ABL2: variants seen among roughly 807,000 people sequenced by gnomAD.
The protein encoded by ABL2 is tyrosine-protein kinase ABL2.
Under a neutral mutation model 107.7 loss-of-function variants are expected in ABL2, and 49 were observed. That is an observed-to-expected ratio of 0.45 (90% CI 0.36 to 0.58). ABL2 has a LOEUF of 0.58. Among genes scored for constraint, ABL2 ranks in the 20% least tolerant of loss-of-function variants. The pLI is 0.00. For synonymous variants in ABL2, 549 were observed against 548.6 expected, an observed-to-expected ratio of 1.00 and a Z score of -0.01; for missense variants, 1,245 against 1,457.0, an observed-to-expected ratio of 0.85 and a Z score of 2.37.
At chr1:179,161,716 A>C (rs1467922145) in intron 1 of ABL2, among the ~76,000 whole-genome samples, 1 of 152,192 alleles carries the variant, frequency 6.6e-6, no homozygotes, top group Non-Finnish European at 1.5e-5. Context: ...CTCTCAATAA[A>C]GAAATAACGA....
intron 1 of ABL2, among the ~76,000 whole-genome samples, chr1:179,134,072 T>C (rs1436260878): frequency 6.6e-6 from 1 of 152,246 alleles, no homozygotes; most frequent in Non-Finnish European, 1.5e-5. Flanking sequence ...ATTCTACGTA[T>C]GTTTGTTCCC....
rs1053812052 is a variant in ABL2, at chr1:179,118,677, C to T, written c.1133G>A (p.Arg378Gln). The change falls in exon 7 of 12, where the codon CGA becomes CAA. Residue 378 changes from arginine to glutamine, a missense_variant. By Grantham distance (43) the Arg-to-Gln change is conservative (BLOSUM62 1). This residue lies in a region of ABL2 where 320 missense variants were observed against 547.0 expected (regional missense o/e 0.59). Coordinates refer to ENST00000502732, the MANE Select transcript of ABL2 (RefSeq NM_007314.4). ...NLLDYLRECN[R>Q]EEVTAVVLLY... is the part of the protein sequence containing the mutation. Reference sequence around the variant, plus strand: ...CAGCACAACTGCAGTCACCTCTTCTCGGTTGCATTCTCGGAGGTAATCCAG... The same window carrying T: ...CAGCACAACTGCAGTCACCTCTTCTTGGTTGCATTCTCGGAGGTAATCCAG... 6 of 1,613,806 alleles carry T rather than the reference C, an allele frequency of 3.7e-6. No individual in the cohort carries two copies. The highest frequency in any genetic ancestry group is 2.2e-5 in the East Asian group (1 of 44,862).
chr1:179,168,205 C>T (rs1659506032), intron 1 of ABL2, among the ~76,000 whole-genome samples: 1 of 152,118 alleles, frequency 6.6e-6, no homozygotes, highest in Non-Finnish European at 1.5e-5. Context: ...CCACGGTTTC[C>T]ACAGGGACCC....
intron 1 of ABL2, among the ~76,000 whole-genome samples, chr1:179,214,692 A>G (rs1284563261): frequency 6.6e-6 from 1 of 151,932 alleles, no homozygotes; most frequent in African/African-American, 2.4e-5. Context: ...AAACATAAAG[A>G]AAAAACACAG....
chr1:179,109,275 T>A lies in ABL2; in HGVS notation c.1992A>T (p.Thr664=), dbSNP rs760392978. 2 of 1,613,640 alleles carry A rather than the reference T, an allele frequency of 1.2e-6. No individual in the cohort carries two copies. Among genetic ancestry groups the A allele is most frequent in the Admixed American group, 1.7e-5 (1 of 59,956 alleles). ...SSFMKKRNAP[T]PPKRSSSFRE... ...GGAAGGAGCTGCTGCGTTTGGGGGG[T>A]GTAGGAGCATTTCTCTTCTTCATGA... The change falls in exon 12 of 12, where the codon ACA becomes ACT. Residue 664 remains threonine (T), a synonymous_variant. Coordinates refer to ENST00000502732, the MANE Select transcript of ABL2 (RefSeq NM_007314.4).
At chr1:179,132,067 GC>G (rs1016585869) in intron 2 of ABL2, among the ~76,000 whole-genome samples, 2 of 151,750 alleles carry the variant, frequency 1.3e-5, no homozygotes, top group African/African-American at 4.8e-5. Flanking sequence ...TCTTTTTTTG[GC>G]CAACATGGCA....
intron 2 of ABL2, among the ~76,000 whole-genome samples, chr1:179,132,495 T>A (rs762424697): frequency 4.6e-5 from 7 of 152,048 alleles, no homozygotes; most frequent in Non-Finnish European, 1.0e-4. Context: ...AACACTTTTA[T>A]GTCTCTCTTC....
rs557843100 is a variant in ABL2, at chr1:179,170,043, C to G, written c.158-36669G>C. Among the ~76,000 whole-genome samples the G allele has an allele frequency of 5.8e-4, 88 of 152,132 alleles. 2 individuals carry two copies. In the South Asian group the frequency reaches 0.018, roughly 31 times the overall value. On this transcript the variant is annotated intron_variant, in intron 1 of 11. Coordinates refer to ENST00000502732, the MANE Select transcript of ABL2 (RefSeq NM_007314.4). The stretch of plus-strand genomic sequence containing the variant: ...CTGTCTCAAAAAACAACAACAACAA[C>G]GACAACAACAAAACATGTTTATTTG...
In ABL2 at chr1:179,229,399, C is replaced by T. The variant is rs1663424222; in HGVS notation, c.-2G>A. On this transcript the variant is annotated 5_prime_UTR_variant, in exon 1 of 12. Coordinates refer to ENST00000502732, the MANE Select transcript of ABL2 (RefSeq NM_007314.4). ...GACGCGGCCCACCTGCTGCCCCATC[C>T]CTGCTCTCGCGTACTCCCGCGCCCC... 2 of 1,523,914 alleles carry T rather than the reference C, an allele frequency of 1.3e-6. No individual in the cohort carries two copies. The highest frequency in any genetic ancestry group is 2.9e-5 in the African/African-American group (2 of 69,362). The allele number at this position is 1,523,914 out of a possible 1,614,324, so 94.4% of individuals were successfully genotyped here.
intron 1 of ABL2, among the ~76,000 whole-genome samples, chr1:179,150,493 G>C (rs1022993129): frequency 1.3e-5 from 2 of 152,210 alleles, no homozygotes; most frequent in South Asian, 4.1e-4. Flanking sequence ...AACAGCAAGA[G>C]AACTAGAATT....
At chr1:179,135,752 A>T (rs1256696075) in intron 1 of ABL2, among the ~76,000 whole-genome samples, 1 of 136,796 alleles carries the variant, frequency 7.3e-6, no homozygotes, top group Non-Finnish European at 1.6e-5. Flanking sequence ...CTGCCCGGCC[A>T]GCTGCCCCGT....
chr1:179,138,337 G>A (rs558896793), intron 1 of ABL2, among the ~76,000 whole-genome samples: 6 of 152,206 alleles, frequency 3.9e-5, no homozygotes, highest in East Asian at 1.9e-4. Context: ...GAGCTCAAGC[G>A]ATCCACCTGC....
chr1:179,228,365 A>G (rs1571360611), intron 1 of ABL2, among the ~76,000 whole-genome samples: 1 of 152,086 alleles, frequency 6.6e-6, no homozygotes, highest in East Asian at 1.9e-4. Context: ...CAAAAACAAA[A>G]ACAAAACAAA....
intron 1 of ABL2, among the ~76,000 whole-genome samples, chr1:179,151,860 C>A (rs1019505934): frequency 2.0e-5 from 3 of 152,126 alleles, no homozygotes; most frequent in Admixed American, 6.5e-5. Context: ...GTTGTTATCA[C>A]CCCTGTTGAA....
chr1:179,153,870 A>G (rs574835058), intron 1 of ABL2, among the ~76,000 whole-genome samples: 3 of 152,254 alleles, frequency 2.0e-5, no homozygotes, highest in African/African-American at 7.2e-5. Flanking sequence ...TGGATATCCT[A>G]AAGGCAACAA....
chr1:179,170,984 G>A (rs1021852813), intron 1 of ABL2, among the ~76,000 whole-genome samples: 8 of 152,280 alleles, frequency 5.3e-5, no homozygotes, highest in Non-Finnish European at 7.4e-5. Flanking sequence ...GATTACAGGC[G>A]TGAGCCACCT....
In ABL2 at chr1:179,101,111, C is replaced by G. The variant is rs1653051928; in HGVS notation, c.*6607G>C. ...TCTGAGAAGCTCGTGTCTACCAGCT[C>G]TAGTTCAATAATCATGCAAAATCAA... On this transcript the variant is annotated 3_prime_UTR_variant, in exon 12 of 12. Coordinates refer to ENST00000502732, the MANE Select transcript of ABL2 (RefSeq NM_007314.4). 4.3e-6 allele frequency: 1 copy of G among 230,926 alleles called. No individual in the cohort carries two copies. The highest frequency in any genetic ancestry group is 2.2e-5 in the African/African-American group (1 of 45,224). 14.3% of individuals were successfully genotyped at this position (230,926 alleles called of 1,614,324 possible). A position where few individuals can be genotyped will look rare whatever the true frequency, so the allele number is the denominator to read the frequency against.
At chr1:179,115,871 A>G (rs1557916363) in intron 8 of ABL2, among the ~76,000 whole-genome samples, 1 of 152,234 alleles carries the variant, frequency 6.6e-6, no homozygotes, top group Non-Finnish European at 1.5e-5. Flanking sequence ...ATTTCCAGTA[A>G]AAAATGACTT....
chr1:179,211,828 C>G (rs1180009481), intron 1 of ABL2, among the ~76,000 whole-genome samples: 1 of 151,440 alleles, frequency 6.6e-6, no homozygotes, highest in Non-Finnish European at 1.5e-5. Context: ...GTTTACCAAT[C>G]AATAACTGCA....
Sources: allele counts gnomAD v4.1 joint callset (sites outside exome capture counted in the v4.1 genomes callset), GRCh38; gene constraint gnomAD v4.1.1; regional missense constraint gnomAD v4.1.1; transcripts MANE v1.5; gene names NCBI Gene and HGNC (gene_info 2026-07-23, HGNC 2026-07-21).